The following HPSE2 variants were observed in gnomAD, a reference collection of about 807,000 sequenced individuals.
The protein encoded by HPSE2 is heparanase 2 (inactive).
A neutral mutation model predicts 60.5 loss-of-function variants in HPSE2; 38 were observed. The ratio of observed to expected loss-of-function variants is 0.63; its 90% CI spans 0.48 to 0.82. The LOEUF (loss-of-function observed/expected upper bound fraction) is 0.82. Ranked by LOEUF, HPSE2 falls within the 40% of genes least tolerant of loss-of-function variation. HPSE2 has a pLI of 0.00. For missense variants in HPSE2, 713 were observed against 740.4 expected (o/e 0.96, Z 0.43); for synonymous variants, 295 against 293.2 (o/e 1.01, Z -0.06).
intron 9 of HPSE2, among the ~76,000 whole-genome samples, chr10:98,539,734 T>C (rs76331986): frequency 1.3e-5 from 2 of 152,276 alleles, no homozygotes; most frequent in East Asian, 3.9e-4. Context: ...CTCCCTCTGA[T>C]TGCTTTTCTT....
intron 9 of HPSE2, among the ~76,000 whole-genome samples, chr10:98,579,778 C>T (rs551157051): frequency 9.2e-5 from 14 of 152,326 alleles, no homozygotes; most frequent in African/African-American, 2.9e-4. Flanking sequence ...TTCCCCTCCA[C>T]TTTACAGTTT....
chr10:98,959,628 G>C (rs1955599171), intron 3 of HPSE2, among the ~76,000 whole-genome samples: 1 of 152,126 alleles, frequency 6.6e-6, no homozygotes. Flanking sequence ...AATCTCCCTA[G>C]TGAAGTCTAT....
intron 9 of HPSE2, among the ~76,000 whole-genome samples, chr10:98,597,381 G>T (rs750826019): frequency 6.6e-6 from 1 of 151,764 alleles, no homozygotes; most frequent in Non-Finnish European, 1.5e-5. Flanking sequence ...TAAAAAATTT[G>T]TGGCCATGTG....
At chr10:99,013,298 G>A in intron 3 of HPSE2, 1 of 621,464 alleles carries the variant, frequency 1.6e-6, no homozygotes, top group South Asian at 1.5e-5. Flanking sequence ...CTTTTCTTAG[G>A]TCCTCATGTG....
chr10:99,014,256 C>T (rs1235904870), intron 3 of HPSE2, among the ~76,000 whole-genome samples: 1 of 152,236 alleles, frequency 6.6e-6, no homozygotes, highest in Non-Finnish European at 1.5e-5. Flanking sequence ...ATAATGGCCT[C>T]CAGCTCCATC....
intron 3 of HPSE2, among the ~76,000 whole-genome samples, chr10:99,041,205 G>C (rs1238145747): frequency 6.6e-6 from 1 of 152,124 alleles, no homozygotes; most frequent in Non-Finnish European, 1.5e-5. Flanking sequence ...AGTAGCTAGT[G>C]CACACTGCTC....
At chr10:99,100,243 A>C (rs1041929191) in intron 3 of HPSE2, among the ~76,000 whole-genome samples, 1 of 152,210 alleles carries the variant, frequency 6.6e-6, no homozygotes, top group Non-Finnish European at 1.5e-5. Flanking sequence ...AAAAACCTTG[A>C]AAAAAGATTA....
intron 3 of HPSE2, among the ~76,000 whole-genome samples, chr10:98,814,029 T>C (rs944366976): frequency 6.6e-6 from 1 of 152,054 alleles, no homozygotes; most frequent in Non-Finnish European, 1.5e-5. Flanking sequence ...GTCTAGAGAG[T>C]CTAAGTACCT....
chr10:99,254,371 A>G, the HPSE2 span, among the ~76,000 whole-genome samples: 1 of 152,190 alleles, frequency 6.6e-6, no homozygotes, highest in Non-Finnish European at 1.5e-5. Flanking sequence ...AAAGATGACA[A>G]CAATAGACAC....
rs562651684 is a variant in HPSE2 at position 98,522,448 on chromosome 10, C to T, written c.1321-32252G>A. ...GGGAAATAGGTCTTGTGGAATAAGGCCATCTCTGTCAGCAAATCTTTTTTT... is the reference window on the plus strand; with the variant it reads ...GGGAAATAGGTCTTGTGGAATAAGGTCATCTCTGTCAGCAAATCTTTTTTT... On this transcript the variant is annotated intron_variant, in intron 9 of 11. Transcript: ENST00000370552. 1.7e-3 allele frequency among the ~76,000 whole-genome samples: 254 copies of T among 151,984 alleles called. 1 individual carries two copies. The highest frequency in any genetic ancestry group is 4.7e-4 in the Non-Finnish European group (32 of 67,946).
chr10:98,876,301 T>C (rs557470821), intron 3 of HPSE2, among the ~76,000 whole-genome samples: 3 of 152,030 alleles, frequency 2.0e-5, no homozygotes, highest in East Asian at 1.9e-4. Flanking sequence ...AAAATTCTTA[T>C]GGTGGTGACT....
intron 5 of HPSE2, among the ~76,000 whole-genome samples, chr10:98,707,372 G>A (rs1324157412): frequency 1.3e-5 from 2 of 152,182 alleles, no homozygotes; most frequent in Admixed American, 6.6e-5. Flanking sequence ...TCTCTGGACA[G>A]GCAATTCAGA....
chr10:98,519,251 A>G (rs1942706889), intron 9 of HPSE2, among the ~76,000 whole-genome samples: 1 of 152,226 alleles, frequency 6.6e-6, no homozygotes. Flanking sequence ...ACAGATAGAA[A>G]TAACTAAGAT....
At chr10:99,019,658 T>G (rs1027775420) in intron 3 of HPSE2, among the ~76,000 whole-genome samples, 1 of 152,066 alleles carries the variant, frequency 6.6e-6, no homozygotes, top group African/African-American at 2.4e-5. Flanking sequence ...GTTTTCCCCC[T>G]CTCAAATACA....
At chr10:98,634,187 T>G (rs1946436585) in intron 7 of HPSE2, among the ~76,000 whole-genome samples, 1 of 152,238 alleles carries the variant, frequency 6.6e-6, no homozygotes, top group Non-Finnish European at 1.5e-5. Flanking sequence ...GTGAATGAGA[T>G]AAGACATTAC....
At chr10:98,996,874 G>A (rs1331120063) in intron 3 of HPSE2, among the ~76,000 whole-genome samples, 5 of 152,142 alleles carry the variant, frequency 3.3e-5, no homozygotes, top group Non-Finnish European at 5.9e-5. Flanking sequence ...GACTAAGTAA[G>A]TGCTGACTGG....
intron 3 of HPSE2, among the ~76,000 whole-genome samples, chr10:99,008,217 T>C (rs375470549): frequency 1.6e-4 from 25 of 152,338 alleles, no homozygotes; most frequent in African/African-American, 5.8e-4. Flanking sequence ...AACGAGTGCT[T>C]TAACTTCCCA....
chr10:99,198,284 A>T (rs1390301635), intron 2 of HPSE2, among the ~76,000 whole-genome samples: 1 of 152,200 alleles, frequency 6.6e-6, no homozygotes, highest in African/African-American at 2.4e-5. Context: ...GGTTTAATAA[A>T]TGTTTAAATG....
chr10:98,593,262 G>C (rs1945139404), intron 9 of HPSE2, among the ~76,000 whole-genome samples: 1 of 152,184 alleles, frequency 6.6e-6, no homozygotes. Context: ...AAATATGGCT[G>C]CACTTAGGAA....
Sources: gnomAD v4.1 joint callset for allele counts (sites outside exome capture counted in the v4.1 genomes callset) on GRCh38, gnomAD v4.1.1 for gene constraint, MANE v1.5 for transcripts, NCBI Gene and HGNC (gene_info 2026-07-23, HGNC 2026-07-21) for gene names.